LPP: variants seen among roughly 807,000 people sequenced by gnomAD.
LPP encodes the protein lipoma-preferred partner.
In LPP, 38 loss-of-function variants were observed where a neutral mutation model predicts 60.4. That is an observed-to-expected ratio of 0.63 (90% CI 0.49 to 0.83). The LOEUF (loss-of-function observed/expected upper bound fraction) is 0.83. LPP is among the 40% of genes least tolerant of loss of function. The pLI is 0.00. For missense variants in LPP, 902 were observed against 783.6 expected, an observed-to-expected ratio of 1.15 and a Z score of -1.80; for synonymous variants, 328 against 290.8, an observed-to-expected ratio of 1.13 and a Z score of -1.30.
intron 8 of LPP, among the ~76,000 whole-genome samples, chr3:188,755,810 A>C (rs1200144441): frequency 6.8e-3 from 12 of 1,754 alleles, no homozygotes; most frequent in African/African-American, 0.02. Flanking sequence ...ATCCTGTCAC[A>C]AAAAAAAAAA....
chr3:188,388,274 T>A (rs1356404146), intron 3 of LPP, among the ~76,000 whole-genome samples: 1 of 152,202 alleles, frequency 6.6e-6, no homozygotes, highest in South Asian at 2.1e-4. Flanking sequence ...ATAGAGGTTG[T>A]TAAGTAGTTG....
chr3:188,209,513 G>C (rs1013415871), intron 1 of LPP, among the ~76,000 whole-genome samples: 1 of 152,346 alleles, frequency 6.6e-6, no homozygotes, highest in Non-Finnish European at 1.5e-5. Flanking sequence ...CTGCTGCCCT[G>C]TCTGCTGGCT....
At chr3:188,611,982 C>G (rs1333957029) in intron 7 of LPP, among the ~76,000 whole-genome samples, 2 of 152,202 alleles carry the variant, frequency 1.3e-5, no homozygotes, top group East Asian at 3.9e-4. Context: ...ATAAACCACT[C>G]ATCAGAAAAC....
intron 2 of LPP, among the ~76,000 whole-genome samples, chr3:188,258,719 G>C (rs555156999): frequency 6.6e-6 from 1 of 152,134 alleles, no homozygotes; most frequent in African/African-American, 2.4e-5. Context: ...TCTAAGATTC[G>C]TCTAGAGAAG....
chr3:188,802,604 G>C (rs1747615651), intron 9 of LPP, among the ~76,000 whole-genome samples: 1 of 152,086 alleles, frequency 6.6e-6, no homozygotes, highest in South Asian at 2.1e-4. Flanking sequence ...CCAACATGGT[G>C]AAACCCCGTC....
At chr3:188,871,068 C>G (rs1356308057) in intron 10 of LPP, among the ~76,000 whole-genome samples, 1 of 152,030 alleles carries the variant, frequency 6.6e-6, no homozygotes, top group African/African-American at 2.4e-5. Context: ...TTTAGTGCCC[C>G]ATAAATATAT....
intron 3 of LPP, among the ~76,000 whole-genome samples, chr3:188,361,175 G>A (rs1305269590): frequency 1.3e-5 from 2 of 152,124 alleles, no homozygotes; most frequent in Admixed American, 1.3e-4. Flanking sequence ...TTAGGTTGAA[G>A]AGCAATGTTG....
chr3:188,317,793 G>A lies in LPP; in HGVS notation c.-66-23870G>A, dbSNP rs76956806. On this transcript the variant is annotated intron_variant, in intron 2 of 11. Transcript: ENST00000617246. ...TTGAACTGCTGTCTTGAATTGGGGG[G>A]AAAAATGAAGCTCTGAGGGGATGGT... Among the ~76,000 whole-genome samples the A allele has an allele frequency of 7.9e-5, 12 of 151,932 alleles. No individual in the cohort carries two copies. In the East Asian group the frequency reaches 1.2e-3, roughly 15 times the overall value.
chr3:188,687,414 T>A (rs780926839), intron 7 of LPP, among the ~76,000 whole-genome samples: 27 of 152,156 alleles, frequency 1.8e-4, no homozygotes, highest in Admixed American at 3.3e-4. Context: ...GGGAGGTGAT[T>A]GGATCGTGGG....
intron 6 of LPP, among the ~76,000 whole-genome samples, chr3:188,526,574 A>G: frequency 6.6e-6 from 1 of 152,176 alleles, no homozygotes; most frequent in East Asian, 1.9e-4. Flanking sequence ...TACAGGTGTG[A>G]GCCACTGTGC....
At chr3:188,745,862 C>T (rs968098198) in intron 8 of LPP, among the ~76,000 whole-genome samples, 26 of 152,136 alleles carry the variant, frequency 1.7e-4, no homozygotes, top group African/African-American at 5.1e-4. Flanking sequence ...TTCTATTCCA[C>T]GCTCTAATTT....
rs117256933 is a variant in LPP, at chr3:188,698,513, G to A, written c.1114-9754G>A. ...CGAGAAAACTCGCTTTCTCCTTTAC[G>A]GAGGGCCCGCATGGAGGTTTAGAGG... On this transcript the variant is annotated intron_variant, in intron 7 of 11. Transcript: ENST00000617246. Among the ~76,000 whole-genome samples, 70 of 150,654 alleles carry A rather than the reference G, an allele frequency of 4.6e-4. 1 individual carries two copies. In the East Asian group the frequency reaches 8.3e-3, roughly 18 times the overall value.
chr3:188,179,665 CCT>C, intron 1 of LPP: 1 of 367,762 alleles, frequency 2.7e-6, no homozygotes, highest in East Asian at 7.3e-5. Flanking sequence ...CTTCAGCAAG[CCT>C]CTCTGCAGTC....
chr3:188,651,438 C>T (rs1016009655), intron 7 of LPP, among the ~76,000 whole-genome samples: 4 of 152,142 alleles, frequency 2.6e-5, no homozygotes, highest in Admixed American at 6.6e-5. Context: ...TCATGATAGA[C>T]GGGCAAGGGT....
chr3:188,613,306 A>ATATCTATATCTATATC (rs1553944262), intron 7 of LPP, among the ~76,000 whole-genome samples: 2 of 147,650 alleles, frequency 1.4e-5, no homozygotes, highest in African/African-American at 5.2e-5. Context: ...ATCTATATCT[A>ATATCTATATCTATATC]TATCTATATA....
intron 1 of LPP, among the ~76,000 whole-genome samples, chr3:188,212,419 C>T (rs971242744): frequency 3.3e-5 from 5 of 152,028 alleles, no homozygotes; most frequent in Non-Finnish European, 5.9e-5. Flanking sequence ...ACTTCTTTAG[C>T]GGTTAATAAT....
intron 4 of LPP, among the ~76,000 whole-genome samples, chr3:188,456,113 G>A (rs1320036178): frequency 1.3e-5 from 2 of 152,052 alleles, no homozygotes; most frequent in Non-Finnish European, 2.9e-5. Flanking sequence ...GTTGGCACTG[G>A]GCTCAAATGA....
At chr3:188,405,627 G>T (rs570123161) in intron 3 of LPP, among the ~76,000 whole-genome samples, 1 of 151,624 alleles carries the variant, frequency 6.6e-6, no homozygotes, top group South Asian at 2.1e-4. Context: ...AGCAACACTT[G>T]TTCTTAACCT....
At chr3:188,464,149 TTTAAG>T (rs1799793848) in intron 4 of LPP, among the ~76,000 whole-genome samples, 1 of 152,170 alleles carries the variant, frequency 6.6e-6, no homozygotes, top group African/African-American at 2.4e-5. Flanking sequence ...TTTAATAGGT[TTTAAG>T]TTATTTGTTA....
Sources: allele counts gnomAD v4.1 joint callset (sites outside exome capture counted in the v4.1 genomes callset), GRCh38; gene constraint gnomAD v4.1.1; transcripts MANE v1.5; gene names NCBI Gene and HGNC (gene_info 2026-07-23, HGNC 2026-07-21).